Variants in ALKBH5 observed in about 807,000 individuals in gnomAD.
ALKBH5 encodes the protein RNA demethylase ALKBH5.
ALKBH5 carries 2 observed loss-of-function variants against 32.1 expected under a neutral mutation model. The observed-to-expected ratio is 0.06, with a 90% CI of 0.03 to 0.20. ALKBH5 has a LOEUF of 0.20. ALKBH5 is among the 10% of genes least tolerant of loss of function. ALKBH5 has a pLI of 1.00. For synonymous variants in ALKBH5, 300 were observed against 231.7 expected, an observed-to-expected ratio of 1.29 and a Z score of -2.68; for missense variants, 352 against 559.5, an observed-to-expected ratio of 0.63 and a Z score of 3.74.
intron 1 of ALKBH5, among the ~76,000 whole-genome samples, chr17:18,189,113 C>T (rs1053318714): frequency 4.0e-5 from 6 of 151,886 alleles, no homozygotes; most frequent in Non-Finnish European, 8.8e-5. Context: ...CGCGGTGGCT[C>T]ACGCCTGTAA....
intron 2 of ALKBH5, among the ~76,000 whole-genome samples, chr17:18,201,611 A>T (rs2047236484): frequency 6.6e-6 from 1 of 152,136 alleles, no homozygotes; most frequent in Non-Finnish European, 1.5e-5. Flanking sequence ...ACAAAAAATT[A>T]GCCGGGCGTG....
At chr17:18,186,517 T>C (rs1056550102) in intron 1 of ALKBH5, among the ~76,000 whole-genome samples, 3 of 152,196 alleles carry the variant, frequency 2.0e-5, no homozygotes, top group African/African-American at 4.8e-5. Flanking sequence ...TCAGGAGGTC[T>C]AGTAGTGGTC....
intron 2 of ALKBH5, among the ~76,000 whole-genome samples, chr17:18,198,505 T>C (rs1320794395): frequency 6.6e-6 from 1 of 152,164 alleles, no homozygotes; most frequent in African/African-American, 2.4e-5. Flanking sequence ...CCTTGGAAGA[T>C]ACCTGGCTGG....
chr17:18,199,750 A>G (rs1050397922), intron 2 of ALKBH5, among the ~76,000 whole-genome samples: 1 of 152,116 alleles, frequency 6.6e-6, no homozygotes, highest in African/African-American at 2.4e-5. Context: ...ATTCCAACAC[A>G]AAGCAGAGTG....
Position 18,184,377 on chromosome 17 carries a change from C to T in ALKBH5, c.134C>T (p.Ala45Val), listed in dbSNP as rs758673141. Residue 45 changes from alanine (A) to valine (V), a missense_variant, in exon 1 of 4, where the codon GCC becomes GTC. By Grantham distance (64) the Ala-to-Val change is moderately conservative. Around this residue, in one of 4 missense-constraint regions of ALKBH5, gnomAD observed 144 missense variants for 125.8 expected, o/e 1.14. Coordinates refer to ENST00000399138, the MANE Select transcript of ALKBH5 (RefSeq NM_017758.4). ...AAAVAAAAAA[A>V]AAAEPYPVSG... ...GCCGTAGCCGCCGCAGCCGCAGCCG[C>T]CGCTGCCGCCGAACCTTACCCTGTG... 3.3e-6 allele frequency: 5 copies of T among 1,518,842 alleles called. No homozygotes were observed. The Admixed American group carries it at 6.9e-5, about 21-fold the overall frequency. 94.1% of individuals were successfully genotyped at this position (1,518,842 alleles called of 1,614,324 possible). A position where few individuals can be genotyped will look rare whatever the true frequency, so the allele number is the denominator to read the frequency against.
chr17:18,208,529 T>A lies in ALKBH5; in HGVS notation c.*133T>A. 1.8e-6 allele frequency: 2 copies of A among 1,104,248 alleles called. No homozygotes were observed. The highest frequency in any genetic ancestry group is 2.6e-6 in the Non-Finnish European group (2 of 757,210). 68.4% of individuals were successfully genotyped at this position (1,104,248 alleles called of 1,614,324 possible). ...TTTTGTTTTTTTTGATTCTATATAT[T>A]TTTCCTTGGTTTTGTTGCCTGTTAG... On this transcript the variant is annotated 3_prime_UTR_variant, in exon 4 of 4. Coordinates refer to ENST00000399138, the MANE Select transcript of ALKBH5 (RefSeq NM_017758.4).
intron 1 of ALKBH5, among the ~76,000 whole-genome samples, chr17:18,187,813 G>A (rs1018082471): frequency 2.6e-5 from 4 of 152,192 alleles, no homozygotes; most frequent in Admixed American, 6.5e-5. Flanking sequence ...GGAAGGGAGG[G>A]GCTGGTGAAA....
At chr17:18,198,830 G>A (rs2047219537) in intron 2 of ALKBH5, among the ~76,000 whole-genome samples, 1 of 152,174 alleles carries the variant, frequency 6.6e-6, no homozygotes, top group Non-Finnish European at 1.5e-5. Context: ...TTTCTTACGG[G>A]GAGGCTGGAA....
At position 18,184,360 on chromosome 17, in the gene ALKBH5, CGCCGCA is replaced by C. The variant is rs771220641; in HGVS notation, c.129_134del (p.Ala47_Ala48del). The C allele has an allele frequency of 4.3e-5, 65 of 1,516,494 alleles. No individual in the cohort carries two copies. The highest frequency in any genetic ancestry group is 1.2e-4 in the South Asian group (10 of 80,316). 93.9% of individuals were successfully genotyped at this position (1,516,494 alleles called of 1,614,324 possible). A position where few individuals can be genotyped will look rare whatever the true frequency, so the allele number is the denominator to read the frequency against. On this transcript the variant is annotated inframe_deletion, in exon 1 of 4. Transcript: ENST00000399138. Reference sequence around the variant, plus strand: ...CCGCCGCTGCCGCAGCCGCCGTAGCCGCCGCAGCCGCAGCCGCCGCTGCCGCCGAAC... The same window carrying C: ...CCGCCGCTGCCGCAGCCGCCGTAGCCGCCGCAGCCGCCGCTGCCGCCGAAC...
Position 18,202,797 on chromosome 17 carries a change from C to T in ALKBH5, c.852-4018C>T, listed in dbSNP as rs375269581. On this transcript the variant is annotated intron_variant, in intron 2 of 3. Coordinates refer to ENST00000399138, the MANE Select transcript of ALKBH5 (RefSeq NM_017758.4). ...TTAATTAAAAAAAAAAAATTAGGGC[C>T]GGGCACGATGGCTCACGCCTGTAAT... Among the ~76,000 whole-genome samples the T allele has an allele frequency of 5.3e-5, 8 of 151,848 alleles. No homozygotes were observed. In the East Asian group the frequency reaches 7.7e-4, roughly 15 times the overall value.
Position 18,184,885 on chromosome 17 carries a change from C to T in ALKBH5, c.642C>T (p.Pro214=), listed in dbSNP as rs779756701. 2.5e-5 allele frequency: 40 copies of T among 1,614,262 alleles called. No individual in the cohort carries two copies. The East Asian group carries it at 3.6e-4, about 14-fold the overall frequency. Residue 214 remains proline, a synonymous_variant, in exon 1 of 4, where the codon CCC becomes CCT. Coordinates refer to ENST00000399138, the MANE Select transcript of ALKBH5 (RefSeq NM_017758.4). ...ACCCCATCCACATCTTCGAGCGCCC[C>T]ATCGTGTCCGTGTCCTTCTTTAGCG... ...HVDPIHIFER[P]IVSVSFFSDS... is the part of the protein sequence containing the mutation.
intron 2 of ALKBH5, among the ~76,000 whole-genome samples, chr17:18,204,849 GA>G (rs2047260528): frequency 6.6e-6 from 1 of 152,048 alleles, no homozygotes; most frequent in East Asian, 1.9e-4. Context: ...GGATCACTTA[GA>G]AGAGTTAGAG....
chr17:18,195,094 T>C (rs2047197666), intron 2 of ALKBH5, 59 bp downstream of exon 2: 2 of 1,478,620 alleles, frequency 1.4e-6, no homozygotes, highest in South Asian at 1.2e-5. Context: ...GAGATGTAGC[T>C]CTGGGTCCAC....
At position 18,183,969 on chromosome 17, in the gene ALKBH5, C is replaced by T. The variant is rs1024790549; in HGVS notation, c.-275C>T. On this transcript the variant is annotated 5_prime_UTR_variant, in exon 1 of 4. Coordinates refer to ENST00000399138, the MANE Select transcript of ALKBH5 (RefSeq NM_017758.4). Reference sequence around the variant, plus strand: ...GCCGCGTCTCCGCAGCAGCCCTCCGCGGCATGAGGCGCTGCCGGCGCCCCT... The same window carrying T: ...GCCGCGTCTCCGCAGCAGCCCTCCGTGGCATGAGGCGCTGCCGGCGCCCCT... 1.6e-5 allele frequency: 10 copies of T among 626,560 alleles called. No homozygotes were observed. Among genetic ancestry groups the T allele is most frequent in the Middle Eastern group, 2.5e-4 (1 of 3,926 alleles). 38.8% of individuals were successfully genotyped at this position (626,560 alleles called of 1,614,324 possible).
chr17:18,194,843 T>C, intron 1 of ALKBH5, 112 bp from the exon 2 acceptor site: 1 of 756,972 alleles, frequency 1.3e-6, no homozygotes, highest in Non-Finnish European at 2.2e-6. Flanking sequence ...TCTCAAGTAA[T>C]GGGTAGAGAG....
intron 1 of ALKBH5, among the ~76,000 whole-genome samples, chr17:18,190,563 A>AG (rs1224655861): frequency 5.7e-4 from 86 of 150,730 alleles, no homozygotes; most frequent in African/African-American, 1.5e-3. Context: ...AAAAAAAAAA[A>AG]AAAAAAAAAT....
intron 2 of ALKBH5, among the ~76,000 whole-genome samples, chr17:18,202,617 G>A (rs1338459943): frequency 6.6e-6 from 1 of 152,120 alleles, no homozygotes; most frequent in Non-Finnish European, 1.5e-5. Context: ...CCAGACGTTG[G>A]AGAGTAGTTG....
chr17:18,203,610 C>T (rs2047253864), intron 2 of ALKBH5, among the ~76,000 whole-genome samples: 1 of 152,270 alleles, frequency 6.6e-6, no homozygotes, highest in African/African-American at 2.4e-5. Flanking sequence ...GACCTTACTG[C>T]TAGAACTGAG....
chr17:18,196,108 CTT>C (rs1195252970), intron 2 of ALKBH5, among the ~76,000 whole-genome samples: 3 of 151,916 alleles, frequency 2.0e-5, no homozygotes, highest in Admixed American at 2.0e-4. Flanking sequence ...TCCTAATGTC[CTT>C]TTTCTGTCCC....
Sources: gnomAD v4.1 joint callset for allele counts (sites outside exome capture counted in the v4.1 genomes callset) on GRCh38, gnomAD v4.1.1 for gene constraint, gnomAD v4.1.1 regional missense constraint, MANE v1.5 for transcripts, NCBI Gene and HGNC (gene_info 2026-07-23, HGNC 2026-07-21) for gene names.